TMEM121: variants seen among roughly 807,000 people sequenced by gnomAD.
TMEM121 encodes transmembrane protein 121A.
TMEM121 carries 8 observed loss-of-function variants against 16.4 expected under a neutral mutation model. That is an observed-to-expected ratio of 0.49 (90% CI 0.29 to 0.88). The LOEUF (loss-of-function observed/expected upper bound fraction) is 0.88. TMEM121 is among the 40% of genes least tolerant of loss of function. TMEM121 has a pLI of 0.09. For synonymous variants in TMEM121, 235 were observed against 226.2 expected, an observed-to-expected ratio of 1.04 and a Z score of -0.35; for missense variants, 401 against 462.0, an observed-to-expected ratio of 0.87 and a Z score of 1.21.
chr14:105,530,026 C>T lies in TMEM121; in HGVS notation c.*232C>T, dbSNP rs2084631371. The T allele has an allele frequency of 7.9e-6, 4 of 508,044 alleles. No individual in the cohort carries two copies. The highest frequency in any genetic ancestry group is 1.4e-5 in the Non-Finnish European group (4 of 289,810). The allele number at this position is 508,044 out of a possible 1,614,324, so 31.5% of individuals were successfully genotyped here. A position where few individuals can be genotyped will look rare whatever the true frequency, so the allele number is the denominator to read the frequency against. ...CAGCGCGTGGGTCTGTTTGGGAGGC[C>T]TGGGCCGGAGCAGAGCAGAGGTGAT... On this transcript the variant is annotated 3_prime_UTR_variant, in exon 2 of 2. Transcript: ENST00000392519.
Position 105,529,909 on chromosome 14 carries a change from C to G in TMEM121, c.*115C>G. The G allele has an allele frequency of 9.2e-7, 1 of 1,081,298 alleles. No individual in the cohort carries two copies. The highest frequency in any genetic ancestry group is 4.1e-5 in the Admixed American group (1 of 24,360). The allele number at this position is 1,081,298 out of a possible 1,614,324, so 67.0% of individuals were successfully genotyped here. ...CGGGCTCCCCTAGGGACAGGTGCCT[C>G]GAGTGCCCGTGCCTGGGGTCCCGCG... On this transcript the variant is annotated 3_prime_UTR_variant, in exon 2 of 2. Transcript: ENST00000392519.
At chr14:105,527,308 C>T (rs2084596383) in intron 1 of TMEM121, 1 of 152,260 alleles carries the variant, frequency 6.6e-6, no homozygotes, top group Admixed American at 6.5e-5. Context: ...TTTATTTGGC[C>T]CCGCCACGCG....
In TMEM121 at chr14:105,529,388, T is replaced by C; in HGVS notation, c.554T>C (p.Phe185Ser). 1 of 1,543,528 alleles carries C rather than the reference T, an allele frequency of 6.5e-7. No homozygotes were observed. ...CTGTGGGCCGAGGGCCTCACCTTCT[T>C]CTACTGCTACATGCTGCTGCTGGTG... ...LPLWAEGLTF[F>S]YCYMLLLVLP... The change falls in exon 2 of 2, where the codon TTC becomes TCC. Residue 185 changes from phenylalanine (F) to serine (S), a missense_variant. By Grantham distance (155) the Phe-to-Ser change is radical. Coordinates refer to ENST00000392519, the MANE Select transcript of TMEM121 (RefSeq NM_025268.4).
At position 105,529,434 on chromosome 14, in the gene TMEM121, C is replaced by G. The variant is rs1555444263; in HGVS notation, c.600C>G (p.Ser200Arg). ...LLLVLPCVAL[S>R]EVSMQGEHIA... ...TGGTGCTGCCGTGCGTGGCGCTCAG[C>G]GAGGTCAGCATGCAGGGCGAGCACA... The change falls in exon 2 of 2, where the codon AGC becomes AGG. Residue 200 changes from serine (S) to arginine (R), a missense_variant. Physicochemically the swap from Ser to Arg is moderately radical, Grantham distance 110. Transcript: ENST00000392519. The G allele has an allele frequency of 6.5e-7, 1 of 1,546,272 alleles. No homozygotes were observed. Among genetic ancestry groups the G allele is most frequent in the Non-Finnish European group, 8.7e-7 (1 of 1,146,882 alleles).
chr14:105,529,405 C>T lies in TMEM121; in HGVS notation c.571C>T (p.Leu191=), dbSNP rs1555444258. 2 of 1,544,878 alleles carry T rather than the reference C, an allele frequency of 1.3e-6. No homozygotes were observed. The highest frequency in any genetic ancestry group is 1.4e-5 in the African/African-American group (1 of 73,030). Residue 191 remains leucine, a synonymous_variant, in exon 2 of 2, where the codon CTG becomes TTG. Coordinates refer to ENST00000392519, the MANE Select transcript of TMEM121 (RefSeq NM_025268.4). ...GLTFFYCYML[L]LVLPCVALSE... The stretch of plus-strand genomic sequence containing the variant: ...CACCTTCTTCTACTGCTACATGCTG[C>T]TGCTGGTGCTGCCGTGCGTGGCGCT...
In TMEM121 at chr14:105,527,946, G is replaced by A. The variant is rs74711445; in HGVS notation, c.-113-776G>A. On this transcript the variant is annotated intron_variant, in intron 1 of 1. Transcript: ENST00000392519. Reference sequence around the variant, plus strand: ...GGAAGCCCGACGGGCCTTGGTGGACGGGCTTCCCGAGATTCGAGGGCAGCC... The same window carrying A: ...GGAAGCCCGACGGGCCTTGGTGGACAGGCTTCCCGAGATTCGAGGGCAGCC... Among the ~76,000 whole-genome samples the A allele has an allele frequency of 0.017, 2,545 of 149,402 alleles. 534 individuals are homozygous for A. In the East Asian group the frequency reaches 0.38, roughly 23 times the overall value.
In TMEM121 at chr14:105,528,766, G is replaced by A. The variant is rs1037955273; in HGVS notation, c.-69G>A. ...GTGTCGCGCCATGCCCGCTGGCTGA[G>A]CGCCGCAGGGCCTCGTCCCGCCAGG... On this transcript the variant is annotated 5_prime_UTR_variant, in exon 2 of 2. Transcript: ENST00000392519. 5.0e-6 allele frequency: 6 copies of A among 1,194,614 alleles called. 1 individual carries two copies. Among genetic ancestry groups the A allele is most frequent in the Admixed American group, 4.5e-5 (1 of 21,980 alleles). The allele number at this position is 1,194,614 out of a possible 1,614,324, so 74.0% of individuals were successfully genotyped here.
At position 105,529,822 on chromosome 14, in the gene TMEM121, C is replaced by G. The variant is rs1555444397; in HGVS notation, c.*28C>G. ...GGGCCCGCGCGGCCCCCGACACGCC[C>G]CTGGGGCGCAGAGACACCGGGTTGG... is the stretch of plus-strand genomic sequence containing the variant. On this transcript the variant is annotated 3_prime_UTR_variant, in exon 2 of 2. Coordinates refer to ENST00000392519, the MANE Select transcript of TMEM121 (RefSeq NM_025268.4). 1.4e-6 allele frequency: 2 copies of G among 1,387,962 alleles called. No homozygotes were observed. The highest frequency in any genetic ancestry group is 1.8e-6 in the Non-Finnish European group (2 of 1,081,240). 86.0% of individuals were successfully genotyped at this position (1,387,962 alleles called of 1,614,324 possible).
chr14:105,528,741 G>C lies in TMEM121; in HGVS notation c.-94G>C. 1 of 1,136,004 alleles carries C rather than the reference G, an allele frequency of 8.8e-7. No individual in the cohort carries two copies. Among genetic ancestry groups the C allele is most frequent in the Non-Finnish European group, 1.1e-6 (1 of 922,736 alleles). 70.4% of individuals were successfully genotyped at this position (1,136,004 alleles called of 1,614,324 possible). On this transcript the variant is annotated 5_prime_UTR_variant, in exon 2 of 2. Coordinates refer to ENST00000392519, the MANE Select transcript of TMEM121 (RefSeq NM_025268.4). ...CCCCAGGTTTCGAGCTCGCCGGGCC[G>C]TGTCGCGCCATGCCCGCTGGCTGAG...
Position 105,529,120 on chromosome 14 carries a change from A to C in TMEM121, c.286A>C (p.Asn96His). 6.2e-7 allele frequency: 1 copy of C among 1,610,394 alleles called. No individual in the cohort carries two copies. Among genetic ancestry groups the C allele is most frequent in the East Asian group, 2.2e-5 (1 of 44,844 alleles). The change falls in exon 2 of 2, where the codon AAC becomes CAC. Residue 96 changes from asparagine to histidine, a missense_variant. Asn to His is a moderately conservative substitution (Grantham distance 68, BLOSUM62 1). Coordinates refer to ENST00000392519, the MANE Select transcript of TMEM121 (RefSeq NM_025268.4). ...GATCAAGCTCTACTTCATCTTCCAG[A>C]ACTACAAGGCGGCGCGGCGCGGCGC... ...LEIKLYFIFQ[N>H]YKAARRGAAD...
At position 105,529,232 on chromosome 14, in the gene TMEM121, G is replaced by T. The variant is rs781962629; in HGVS notation, c.398G>T (p.Arg133Leu). Reference sequence around the variant, plus strand: ...TTCCTGCTGCTCGTGGCGCTGGACCGCATGGAGTACGTGCGCACCTTCCGC... The same window carrying T: ...TTCCTGCTGCTCGTGGCGCTGGACCTCATGGAGTACGTGCGCACCTTCCGC... ...GLFLLLVALD[R>L]MEYVRTFRKR... Residue 133 changes from arginine to leucine, a missense_variant, in exon 2 of 2, where the codon CGC becomes CTC. Physicochemically the swap from Arg to Leu is moderately radical, Grantham distance 102. Transcript: ENST00000392519. 5.7e-6 allele frequency: 9 copies of T among 1,568,140 alleles called. No homozygotes were observed. Among genetic ancestry groups the T allele is most frequent in the Admixed American group, 5.6e-5 (3 of 53,694 alleles).
Position 105,527,038 on chromosome 14 carries a change from G to C in TMEM121, c.-114+385G>C, listed in dbSNP as rs587728350. 8 of 152,848 alleles carry C rather than the reference G, an allele frequency of 5.2e-5. No individual in the cohort carries two copies. In the East Asian group the frequency reaches 1.5e-3, roughly 30 times the overall value. 9.5% of individuals were successfully genotyped at this position (152,848 alleles called of 1,614,324 possible). On this transcript the variant is annotated intron_variant, in intron 1 of 1. Coordinates refer to ENST00000392519, the MANE Select transcript of TMEM121 (RefSeq NM_025268.4). ...GCCAGGTCTGAGCCGCGGGGCGTGG[G>C]GGGAGGAGGGGCCTCGGCCGGGGCC...
At chr14:105,528,465 G>C (rs2141832123) in intron 1 of TMEM121, among the ~76,000 whole-genome samples, 1 of 152,294 alleles carries the variant, frequency 6.6e-6, no homozygotes, top group South Asian at 2.1e-4. Context: ...TCGGCGGGCA[G>C]AAAACGCGTC....
At position 105,529,594 on chromosome 14, in the gene TMEM121, G is replaced by T; in HGVS notation, c.760G>T (p.Val254Leu). 2 of 1,571,664 alleles carry T rather than the reference G, an allele frequency of 1.3e-6. No individual in the cohort carries two copies. Among genetic ancestry groups the T allele is most frequent in the Non-Finnish European group, 1.7e-6 (2 of 1,166,716 alleles). ...CTCGGCCATCTTCGTCGGCAAAAACGTGGTGGCGCTCGCCACCAAGGCCTG... is the reference window on the plus strand; with the variant it reads ...CTCGGCCATCTTCGTCGGCAAAAACTTGGTGGCGCTCGCCACCAAGGCCTG... ...RVSAIFVGKNVVALATKACTF... is the reference protein window; with the variant it reads ...RVSAIFVGKNLVALATKACTF... Residue 254 changes from valine to leucine, a missense_variant, in exon 2 of 2, where the codon GTG (valine) becomes TTG (leucine). By Grantham distance (32) the Val-to-Leu change is conservative. Transcript: ENST00000392519.
Position 105,529,128 on chromosome 14 carries a change from G to C in TMEM121, c.294G>C (p.Lys98Asn). 3 of 1,607,730 alleles carry C rather than the reference G, an allele frequency of 1.9e-6. No homozygotes were observed. The highest frequency in any genetic ancestry group is 2.5e-6 in the Non-Finnish European group (3 of 1,178,648). ...TCTACTTCATCTTCCAGAACTACAA[G>C]GCGGCGCGGCGCGGCGCGGCGGACC... ...IKLYFIFQNYKAARRGAADPV... is the reference protein window; with the variant it reads ...IKLYFIFQNYNAARRGAADPV... The change falls in exon 2 of 2, where the codon AAG becomes AAC. Residue 98 changes from lysine to asparagine, a missense_variant. By Grantham distance (94) the Lys-to-Asn change is moderately conservative. Transcript: ENST00000392519.
Position 105,529,544 on chromosome 14 carries a change from T to C in TMEM121, c.710T>C (p.Met237Thr). The change falls in exon 2 of 2, where the codon ATG becomes ACG. Residue 237 changes from methionine (M) to threonine (T), a missense_variant. By Grantham distance (81) the Met-to-Thr change is moderately conservative. Coordinates refer to ENST00000392519, the MANE Select transcript of TMEM121 (RefSeq NM_025268.4). The part of the protein sequence containing the change: ...VVAVLARAAN[M>T]ALFRDSRVSA... Reference sequence around the variant, plus strand: ...GCCGTGCTGGCGCGCGCCGCCAACATGGCGCTGTTCCGGGACAGCCGTGTC... The same window carrying C: ...GCCGTGCTGGCGCGCGCCGCCAACACGGCGCTGTTCCGGGACAGCCGTGTC... The C allele has an allele frequency of 1.3e-6, 2 of 1,544,886 alleles. No individual in the cohort carries two copies. Among genetic ancestry groups the C allele is most frequent in the South Asian group, 1.2e-5 (1 of 84,392 alleles).
chr14:105,529,837 C>T lies in TMEM121; in HGVS notation c.*43C>T, dbSNP rs1555444401. 2.2e-6 allele frequency: 3 copies of T among 1,376,652 alleles called. No homozygotes were observed. The African/African-American group carries it at 4.6e-5, about 21-fold the overall frequency. 85.3% of individuals were successfully genotyped at this position (1,376,652 alleles called of 1,614,324 possible). ...CCGACACGCCCCTGGGGCGCAGAGA[C>T]ACCGGGTTGGCTTGGGGCGCGCGGT... On this transcript the variant is annotated 3_prime_UTR_variant, in exon 2 of 2. Coordinates refer to ENST00000392519, the MANE Select transcript of TMEM121 (RefSeq NM_025268.4).
Position 105,528,834 on chromosome 14 carries a change from C to G in TMEM121, c.-1C>G, listed in dbSNP as rs2084611465. On this transcript the variant is annotated 5_prime_UTR_variant, in exon 2 of 2. Transcript: ENST00000392519. ...CCCAGGCCGGGGCCCGGCGGCCGAC[C>G]ATGGTGCTGCCGCCCCCGGACCGGC... The G allele has an allele frequency of 2.0e-6, 3 of 1,520,212 alleles. No individual in the cohort carries two copies. Among genetic ancestry groups the G allele is most frequent in the Non-Finnish European group, 2.6e-6 (3 of 1,134,518 alleles). The allele number at this position is 1,520,212 out of a possible 1,614,324, so 94.2% of individuals were successfully genotyped here.
In TMEM121 at chr14:105,528,945, C is replaced by G; in HGVS notation, c.111C>G (p.Arg37=). 1 of 1,605,584 alleles carries G rather than the reference C, an allele frequency of 6.2e-7. No homozygotes were observed. The highest frequency in any genetic ancestry group is 2.3e-5 in the East Asian group (1 of 44,342). ...TGGTGGAGCAGAACCAGGGCCCGCG[C>G]AAGATCGGCGTGTGCATCATCGTGC... The part of the protein sequence containing the change: ...AYLVEQNQGP[R]KIGVCIIVLV... The change falls in exon 2 of 2, where the codon CGC becomes CGG. Residue 37 remains arginine, a synonymous_variant. Transcript: ENST00000392519.
Sources: allele counts gnomAD v4.1 joint callset (sites outside exome capture counted in the v4.1 genomes callset), GRCh38; gene constraint gnomAD v4.1.1; transcripts MANE v1.5; gene names NCBI Gene and HGNC (gene_info 2026-07-23, HGNC 2026-07-21).